Variants in CDH9 observed in about 807,000 individuals in gnomAD.
CDH9 encodes the protein cadherin 9, also known as cadherin-9.
CDH9 carries 28 observed loss-of-function variants against 70.9 expected under a neutral mutation model. The ratio of observed to expected loss-of-function variants is 0.40; its 90% confidence interval spans 0.29 to 0.54. The LOEUF (loss-of-function observed/expected upper bound fraction) is 0.54, where lower values mean the gene tolerates loss of function less well. Ranked by LOEUF, CDH9 falls within the 20% of genes least tolerant of loss-of-function variation. The pLI is 0.59. For missense variants in CDH9, 874 were observed against 984.4 expected, an observed-to-expected ratio of 0.89 and a Z score of 1.50; for synonymous variants, 409 against 343.1, an observed-to-expected ratio of 1.19 and a Z score of -2.12.
intron 2 of CDH9, among the ~76,000 whole-genome samples, chr5:26,965,450 C>A (rs1742112741): frequency 6.6e-6 from 1 of 151,766 alleles, no homozygotes; most frequent in South Asian, 2.1e-4. Flanking sequence ...GTGGCGGGTG[C>A]CTGTAATCCC....
chr5:26,906,041 G>A lies in CDH9; in HGVS notation c.729C>T (p.Gly243=), dbSNP rs1197913249. The A allele has an allele frequency of 2.5e-6, 4 of 1,613,106 alleles. No individual in the cohort carries two copies. Among genetic ancestry groups the A allele is most frequent in the Non-Finnish European group, 3.4e-6 (4 of 1,179,104 alleles). The stretch of plus-strand genomic sequence containing the variant: ...TGGTTCCAGAAAGGCCTCCCATCTG[G>A]CCACCCATGTCTTTGGCCTGTATAA... ...QVVIQAKDMG[G]QMGGLSGTTT... is the part of the protein sequence containing the mutation. Residue 243 remains glycine, a synonymous_variant, in exon 5 of 12, where the codon GGC becomes GGT. Coordinates refer to ENST00000231021, the MANE Select transcript of CDH9 (RefSeq NM_016279.4).
Position 26,988,099 on chromosome 5 carries a change from T to A in CDH9, c.228+7A>T. On this transcript the variant is annotated splice_region_variant and intron_variant, in intron 2 of 11. Transcript: ENST00000231021. The stretch of plus-strand genomic sequence containing the variant: ...AGCTTTTAGATTTCTCATACAAAAA[T>A]TCTTACCTTGCCTACATATTGTGTG... 1 of 1,588,744 alleles carries A rather than the reference T, an allele frequency of 6.3e-7. No individual in the cohort carries two copies.
At chr5:26,963,794 C>G (rs1318766728) in intron 2 of CDH9, among the ~76,000 whole-genome samples, 4 of 151,818 alleles carry the variant, frequency 2.6e-5, no homozygotes, top group Non-Finnish European at 5.9e-5. Flanking sequence ...GATTAGGAAA[C>G]TGGATGAATG....
At chr5:26,886,112 T>C in intron 9 of CDH9, 29 bp from the exon 10 acceptor site, 1 of 1,573,434 alleles carries the variant, frequency 6.4e-7, no homozygotes, top group Non-Finnish European at 8.6e-7. Flanking sequence ...AATTAATTAA[T>C]TAAGCCTAAG....
chr5:26,884,478 A>C (rs1740526771), intron 11 of CDH9, among the ~76,000 whole-genome samples: 2 of 152,180 alleles, frequency 1.3e-5, no homozygotes, highest in African/African-American at 4.8e-5. Flanking sequence ...TAGGAATATA[A>C]AAATATTTTA....
At position 26,889,896 on chromosome 5, in the gene CDH9, A is replaced by G; in HGVS notation, c.1452T>C (p.His484=). The part of the protein sequence containing the change: ...VFIRILDIND[H]APEFAMYYET... Reference sequence around the variant, plus strand: ...CATAATACATGGCAAATTCCGGAGCATGGTCATTTATATCTAGAATTCTGA... The same window carrying G: ...CATAATACATGGCAAATTCCGGAGCGTGGTCATTTATATCTAGAATTCTGA... Residue 484 remains histidine (H), a synonymous_variant, in exon 9 of 12, where the codon CAT becomes CAC. Coordinates refer to ENST00000231021, the MANE Select transcript of CDH9 (RefSeq NM_016279.4). 1 of 1,604,372 alleles carries G rather than the reference A, an allele frequency of 6.2e-7. No individual in the cohort carries two copies.
intron 6 of CDH9, 65 bp downstream of exon 6, chr5:26,903,572 T>C: frequency 9.3e-7 from 1 of 1,076,628 alleles, no homozygotes; most frequent in Non-Finnish European, 1.5e-6. Context: ...TTTTTTTCCC[T>C]TTACTGAAAA....
intron 1 of CDH9, among the ~76,000 whole-genome samples, chr5:27,030,146 T>A (rs1288871612): frequency 1.3e-5 from 2 of 151,960 alleles, no homozygotes; most frequent in African/African-American, 2.4e-5. Context: ...GTCTTCTTGT[T>A]AGTAAAAGTA....
intron 2 of CDH9, among the ~76,000 whole-genome samples, chr5:26,923,089 C>T (rs7735101): frequency 8.9e-6 from 1 of 112,672 alleles, no homozygotes; most frequent in Non-Finnish European, 1.9e-5. Flanking sequence ...AAAAAAAACA[C>T]AAAAAAAAAA....
intron 2 of CDH9, among the ~76,000 whole-genome samples, chr5:26,946,293 C>A (rs1357470794): frequency 6.6e-6 from 1 of 152,026 alleles, no homozygotes; most frequent in Non-Finnish European, 1.5e-5. Flanking sequence ...CCTCTGCATT[C>A]TTGATTGTTT....
At chr5:26,946,840 T>G (rs1262187928) in intron 2 of CDH9, among the ~76,000 whole-genome samples, 3 of 152,102 alleles carry the variant, frequency 2.0e-5, no homozygotes, top group Admixed American at 6.6e-5. Context: ...CAAAAATAAA[T>G]GACTACCGAA....
intron 2 of CDH9, among the ~76,000 whole-genome samples, chr5:26,937,867 T>C (rs1040615230): frequency 1.3e-5 from 2 of 152,022 alleles, no homozygotes; most frequent in African/African-American, 4.8e-5. Context: ...TTTTAGGTGG[T>C]GAAATTAGTC....
At chr5:26,899,324 A>G (rs71315942) in intron 7 of CDH9, among the ~76,000 whole-genome samples, 1 of 152,232 alleles carries the variant, frequency 6.6e-6, no homozygotes, top group Non-Finnish European at 1.5e-5. Context: ...TACTGGGTAT[A>G]TACCCCAAGG....
chr5:26,948,865 C>T lies in CDH9; in HGVS notation c.229-32941G>A, dbSNP rs144306781. ...CTAAGTTTGAGAATGAGAGGACAGACGGTGCAATCTTCACTGGAATGATTT... is the reference window on the plus strand; with the variant it reads ...CTAAGTTTGAGAATGAGAGGACAGATGGTGCAATCTTCACTGGAATGATTT... On this transcript the variant is annotated intron_variant, in intron 2 of 11. Transcript: ENST00000231021. Among the ~76,000 whole-genome samples the T allele has an allele frequency of 4.4e-3, 673 of 152,224 alleles. 5 individuals carry two copies. Among genetic ancestry groups the T allele is most frequent in the African/African-American group, 0.015 (627 of 41,534 alleles).
Position 26,903,651 on chromosome 5 carries a change from T to A in CDH9, c.985A>T (p.Ile329Leu). The A allele has an allele frequency of 6.2e-7, 1 of 1,604,574 alleles. No homozygotes were observed. The highest frequency in any genetic ancestry group is 8.5e-7 in the Non-Finnish European group (1 of 1,171,432). ...ITDKDTQEGI[I>L]TVKQNLDFEN... ...TGAAAAGAAACCTGTTTGACAGTTA[T>A]AATCCCTTCCTGTGTATCCTTGTCA... Residue 329 changes from isoleucine to leucine, a missense_variant, in exon 6 of 12, where the codon ATA (isoleucine) becomes TTA (leucine). Physicochemically the swap from Ile to Leu is conservative, Grantham distance 5 (BLOSUM62 2). Transcript: ENST00000231021.
intron 10 of CDH9, 50 bp downstream of exon 10, chr5:26,885,916 C>T: frequency 1.2e-6 from 2 of 1,600,456 alleles, no homozygotes; most frequent in Non-Finnish European, 1.7e-6. Flanking sequence ...TTGTTTTTAA[C>T]TGTGTATCTT....
intron 2 of CDH9, among the ~76,000 whole-genome samples, chr5:26,969,137 T>C (rs757782564): frequency 5.3e-5 from 8 of 152,174 alleles, no homozygotes; most frequent in Non-Finnish European, 1.2e-4. Context: ...CAATCTTCAA[T>C]GAACTGATAG....
At position 26,915,846 on chromosome 5, in the gene CDH9, T is replaced by C. The variant is rs1008404444; in HGVS notation, c.307A>G (p.Ile103Val). 1 of 1,612,530 alleles carries C rather than the reference T, an allele frequency of 6.2e-7. No individual in the cohort carries two copies. Among genetic ancestry groups the C allele is most frequent in the Non-Finnish European group, 8.5e-7 (1 of 1,178,572 alleles). Residue 103 changes from isoleucine to valine, a missense_variant, in exon 3 of 12, where the codon ATA becomes GTA. Physicochemically the swap from Ile to Val is conservative, Grantham distance 29 (BLOSUM62 3). Transcript: ENST00000231021. Reference protein sequence around the residue: ...TGDGAGSLFVIDENTGDIHAA... With the variant: ...TGDGAGSLFVVDENTGDIHAA... ...TGAATGTCTCCTGTATTTTCATCTATAACAAATAGACTGCCAGCCCCATCT... is the reference window on the plus strand; with the variant it reads ...TGAATGTCTCCTGTATTTTCATCTACAACAAATAGACTGCCAGCCCCATCT...
intron 1 of CDH9, among the ~76,000 whole-genome samples, chr5:27,021,303 CA>C (rs1297074266): frequency 2.0e-5 from 3 of 151,786 alleles, no homozygotes; most frequent in African/African-American, 7.2e-5. Flanking sequence ...TTATTAATGA[CA>C]TATTAATAGT....
Sources: allele counts gnomAD v4.1 joint callset (sites outside exome capture counted in the v4.1 genomes callset), GRCh38; gene constraint gnomAD v4.1.1; transcripts MANE v1.5; gene names NCBI Gene and HGNC (gene_info 2026-07-23, HGNC 2026-07-21).